The following PDE4A variants were observed in gnomAD, a reference collection of about 807,000 sequenced individuals.
PDE4A encodes the protein phosphodiesterase 4A.
In PDE4A, 21 loss-of-function variants were observed where a neutral mutation model predicts 73.9. The observed-to-expected ratio is 0.28, with a 90% CI of 0.20 to 0.41. PDE4A has a LOEUF of 0.41. Ranked by LOEUF, PDE4A falls within the 10% of genes least tolerant of loss-of-function variation. The probability of loss-of-function intolerance (pLI) is 1.00; values close to 1 mark genes in which losing one functional copy is unlikely to be tolerated. For missense variants in PDE4A, 958 were observed against 1,211.4 expected, an observed-to-expected ratio of 0.79 and a Z score of 3.10; for synonymous variants, 463 against 505.4, an observed-to-expected ratio of 0.92 and a Z score of 1.13.
rs561712722 is a variant in PDE4A at position 10,430,827 on chromosome 19, C to A, written c.320+9743C>A. ...CGCAGCTCCCCAGCGCCCGCCGAGG[C>A]GGGGCCGCCCCGCGGCCATGGCGCG... On this transcript the variant is annotated intron_variant, in intron 1 of 14. Transcript: ENST00000380702. 1.1e-5 allele frequency: 12 copies of A among 1,085,714 alleles called. No individual in the cohort carries two copies. The Admixed American group carries it at 2.5e-4, about 23-fold the overall frequency. The allele number at this position is 1,085,714 out of a possible 1,614,324, so 67.3% of individuals were successfully genotyped here.
chr19:10,420,307 G>A (rs1406450610), upstream of PDE4A: 3 of 835,526 alleles, frequency 3.6e-6, no homozygotes, highest in Non-Finnish European at 4.3e-6. The surrounding 1 kb of genome is among the most constrained non-coding windows in gnomAD (Gnocchi z 6.0). Flanking sequence ...GGCCAAGCAG[G>A]GTGCTTTGAA....
intron 6 of PDE4A, among the ~76,000 whole-genome samples, chr19:10,451,246 G>A (rs2043086967): frequency 6.6e-6 from 1 of 151,494 alleles, no homozygotes; most frequent in African/African-American, 2.4e-5. Flanking sequence ...TATGGTATGG[G>A]GTCAGTCCCT....
At chr19:10,446,098 CA>C in intron 1 of PDE4A, 119 bp from the exon 2 acceptor site, 1 of 1,434,526 alleles carries the variant, frequency 7.0e-7, no homozygotes. Flanking sequence ...CTTGGCCTCC[CA>C]AAGTGCTGGG....
At chr19:10,447,162 A>G (rs1272813298) in intron 2 of PDE4A, among the ~76,000 whole-genome samples, 1 of 131,294 alleles carries the variant, frequency 7.6e-6, no homozygotes, top group African/African-American at 2.9e-5. Context: ...AGCCTCCCAG[A>G]TTGCTGGGAT....
At chr19:10,425,984 C>CAAAAAAAAAAAAA (rs1168197109) in intron 1 of PDE4A, among the ~76,000 whole-genome samples, 1 of 48,392 alleles carries the variant, frequency 2.1e-5, no homozygotes, top group African/African-American at 9.3e-5. Context: ...GAGACCCTGT[C>CAAAAAAAAAAAAA]AAAAAAAAAA....
chr19:10,463,916 C>T lies in PDE4A; in HGVS notation c.1867C>T (p.Arg623Cys), dbSNP rs2043321109. 9 of 1,614,042 alleles carry T rather than the reference C, an allele frequency of 5.6e-6. No individual in the cohort carries two copies. The highest frequency in any genetic ancestry group is 1.3e-5 in the African/African-American group (1 of 75,024). The change falls in exon 14 of 15, where the codon CGT becomes TGT. Residue 623 changes from arginine to cysteine, a missense_variant. Around this residue, in one of 3 missense-constraint regions of PDE4A, gnomAD observed 570 missense variants for 827.7 expected, o/e 0.69. Transcript: ENST00000380702. ...FFQQGDRERE[R>C]GMEISPMCDK... is the part of the protein sequence containing the mutation. ...CCAGCAGGGTGACCGAGAGCGCGAGCGTGGCATGGAAATCAGCCCCATGTG... is the reference window on the plus strand; with the variant it reads ...CCAGCAGGGTGACCGAGAGCGCGAGTGTGGCATGGAAATCAGCCCCATGTG...
intron 1 of PDE4A, among the ~76,000 whole-genome samples, chr19:10,434,180 C>T (rs372720720): frequency 5.8e-5 from 8 of 139,082 alleles, no homozygotes; most frequent in South Asian, 2.4e-4. Flanking sequence ...TTTCTTTCTT[C>T]CTTTCCTTCT....
intron 1 of PDE4A, among the ~76,000 whole-genome samples, chr19:10,427,102 C>T (rs1033006136): frequency 6.6e-6 from 1 of 151,760 alleles, no homozygotes; most frequent in Non-Finnish European, 1.5e-5. Flanking sequence ...GAGTTCAAGA[C>T]CAGTCTGGCC....
rs954168297 is a variant in PDE4A, at chr19:10,453,793, G to T, written c.784-1036G>T. ...GTCTGGGCTGTGTGACGCTGTGTAG[G>T]ACTGAGAGCCTGTGATTGTGTGTGT... is the stretch of plus-strand genomic sequence containing the variant. On this transcript the variant is annotated intron_variant, in intron 6 of 14. Transcript: ENST00000380702. This position sits in a 1 kb window ranked among gnomAD's most constrained non-coding sequence, Gnocchi z 4.6. Among the ~76,000 whole-genome samples, 1 of 152,078 alleles carries T rather than the reference G, an allele frequency of 6.6e-6. No homozygotes were observed. Among genetic ancestry groups the T allele is most frequent in the South Asian group, 2.1e-4 (1 of 4,832 alleles).
intron 7 of PDE4A, among the ~76,000 whole-genome samples, chr19:10,455,861 T>C (rs1223851452): frequency 6.6e-6 from 1 of 151,850 alleles, no homozygotes; most frequent in Non-Finnish European, 1.5e-5. Flanking sequence ...ATTGACTCCC[T>C]TCCAAACTCA....
intron 1 of PDE4A, among the ~76,000 whole-genome samples, chr19:10,431,893 C>A (rs1347777628): frequency 6.6e-6 from 1 of 152,038 alleles, no homozygotes; most frequent in Non-Finnish European, 1.5e-5. Context: ...CTGCGTCCTG[C>A]GTCTCTGTCT....
At chr19:10,427,323 G>A (rs1183926070) in intron 1 of PDE4A, 1 of 179,670 alleles carries the variant, frequency 5.6e-6, no homozygotes, top group African/African-American at 2.4e-5. Flanking sequence ...GAGGGAGGTT[G>A]CTACATGGGT....
chr19:10,457,366 GC>G (rs1290916787), intron 7 of PDE4A, among the ~76,000 whole-genome samples: 1 of 144,082 alleles, frequency 6.9e-6, no homozygotes, highest in Non-Finnish European at 1.5e-5. Context: ...AGCTCTGGAA[GC>G]CCCTGAAAGC....
At chr19:10,423,157 CT>C (rs61513692) in intron 1 of PDE4A, 124,299 of 742,786 alleles carry the variant, frequency 0.17, 138 homozygotes, top group Non-Finnish European at 0.18. Flanking sequence ...AACCCTTTCT[CT>C]TTTTTTTTTT....
upstream of PDE4A, chr19:10,417,814 T>G: frequency 6.4e-7 from 1 of 1,557,078 alleles, no homozygotes; most frequent in Non-Finnish European, 8.6e-7. Flanking sequence ...CCCACCACCC[T>G]GCCGCTGCTG....
intron 14 of PDE4A, among the ~76,000 whole-genome samples, chr19:10,466,601 G>A (rs2043377114): frequency 1.3e-5 from 2 of 151,730 alleles, no homozygotes; most frequent in African/African-American, 4.8e-5. Flanking sequence ...AGGTTCAAGC[G>A]ATTCTGTCTC....
Position 10,453,180 on chromosome 19 carries a change from C to T in PDE4A, c.784-1649C>T. The T allele has an allele frequency of 4.0e-6, 6 of 1,485,052 alleles. No individual in the cohort carries two copies. Among genetic ancestry groups the T allele is most frequent in the Non-Finnish European group, 4.5e-6 (5 of 1,113,998 alleles). 92.0% of individuals were successfully genotyped at this position (1,485,052 alleles called of 1,614,324 possible). A position where few individuals can be genotyped will look rare whatever the true frequency, so the allele number is the denominator to read the frequency against. ...CCTTCCACTACCCACCTGCCCGGCA[C>T]CCCCTCCCCAGTGGTTGTTAACCCC... On this transcript the variant is annotated intron_variant, in intron 6 of 14. Coordinates refer to ENST00000380702, the MANE Select transcript of PDE4A (RefSeq NM_001111307.2). This position sits in a 1 kb window ranked among gnomAD's most constrained non-coding sequence, Gnocchi z 4.6.
At chr19:10,457,277 G>T (rs1280257998) in intron 7 of PDE4A, among the ~76,000 whole-genome samples, 1 of 152,150 alleles carries the variant, frequency 6.6e-6, no homozygotes, top group African/African-American at 2.4e-5. Flanking sequence ...CACCCAATGG[G>T]AGCATAACAT....
intron 1 of PDE4A, among the ~76,000 whole-genome samples, chr19:10,437,821 T>C (rs2042885390): frequency 6.6e-6 from 1 of 150,972 alleles, no homozygotes; most frequent in Non-Finnish European, 1.5e-5. Flanking sequence ...TTTTTTTTTT[T>C]TGAGACAGGG....
Sources: gnomAD v4.1 joint callset for allele counts (sites outside exome capture counted in the v4.1 genomes callset) on GRCh38, gnomAD v4.1.1 for gene constraint, gnomAD v4.1.1 regional missense constraint, Gnocchi (gnomAD v3.1) non-coding constraint, MANE v1.5 for transcripts, NCBI Gene and HGNC (gene_info 2026-07-23, HGNC 2026-07-21) for gene names.